CMSS1: variants seen among roughly 807,000 people sequenced by gnomAD.
CMSS1 encodes the protein protein CMSS1.
In CMSS1, 33 loss-of-function variants were observed where a neutral mutation model predicts 43.5. That is an observed-to-expected ratio of 0.76 (90% CI 0.57 to 1.01). The LOEUF (loss-of-function observed/expected upper bound fraction) is 1.01. CMSS1 is among the 50% of genes least tolerant of loss of function. CMSS1 has a pLI of 0.00. For synonymous variants in CMSS1, 115 were observed against 117.2 expected, an observed-to-expected ratio of 0.98 and a Z score of 0.12; for missense variants, 313 against 326.4, an observed-to-expected ratio of 0.96 and a Z score of 0.32.
intron 1 of CMSS1, chr3:99,848,204 G>T: frequency 6.4e-7 from 1 of 1,568,196 alleles, no homozygotes; most frequent in South Asian, 1.2e-5. Flanking sequence ...GGGGGATATG[G>T]AGGGATGATT....
chr3:99,894,445 G>C lies in CMSS1; in HGVS notation c.64+76402G>C, dbSNP rs147050141. 4.5e-3 allele frequency among the ~76,000 whole-genome samples: 689 copies of C among 152,234 alleles called. 7 individuals are homozygous for C. The highest frequency in any genetic ancestry group is 0.016 in the African/African-American group (675 of 41,532). On this transcript the variant is annotated intron_variant, in intron 1 of 9. Transcript: ENST00000421999. ...TGCTATTTTCTTGTTTCCACTTTTA[G>C]TTGTCACCTTTTTGTTTTGGGTTGG... is the stretch of plus-strand genomic sequence containing the variant.
chr3:100,117,347 G>A (rs901495164), intron 1 of CMSS1, among the ~76,000 whole-genome samples: 1 of 152,026 alleles, frequency 6.6e-6, no homozygotes, highest in Non-Finnish European at 1.5e-5. Flanking sequence ...GAAAGATTAA[G>A]TAATCTTTCC....
At chr3:99,936,782 T>C (rs2107670757) in intron 1 of CMSS1, among the ~76,000 whole-genome samples, 1 of 151,966 alleles carries the variant, frequency 6.6e-6, no homozygotes, top group East Asian at 2.0e-4. Flanking sequence ...ACTAAATCAC[T>C]ATGCTGTATC....
chr3:100,048,835 TA>T (rs935298352), intron 1 of CMSS1, among the ~76,000 whole-genome samples: 3 of 151,656 alleles, frequency 2.0e-5, no homozygotes, highest in African/African-American at 7.3e-5. Context: ...TTTTACTCTT[TA>T]AAAAAAAATC....
chr3:99,854,182 G>A (rs888272284), intron 1 of CMSS1, among the ~76,000 whole-genome samples: 2 of 152,178 alleles, frequency 1.3e-5, no homozygotes, highest in African/African-American at 4.8e-5. Context: ...TGAGGAGGGT[G>A]TGGAGTTGAG....
chr3:99,931,613 G>T (rs939837186), intron 1 of CMSS1, among the ~76,000 whole-genome samples: 1 of 152,076 alleles, frequency 6.6e-6, no homozygotes, highest in Non-Finnish European at 1.5e-5. Flanking sequence ...AGGAATGAAG[G>T]CTTGGTCCCT....
chr3:99,991,652 T>C (rs1709513104), intron 1 of CMSS1, among the ~76,000 whole-genome samples: 1 of 152,038 alleles, frequency 6.6e-6, no homozygotes, highest in East Asian at 1.9e-4. Context: ...CTACTCTGTA[T>C]GTCCATGTAT....
chr3:99,955,892 T>C (rs1376023050), intron 1 of CMSS1, among the ~76,000 whole-genome samples: 1 of 152,134 alleles, frequency 6.6e-6, no homozygotes, highest in Non-Finnish European at 1.5e-5. Flanking sequence ...AAACGCATCT[T>C]CTCTGTTCTC....
intron 1 of CMSS1, among the ~76,000 whole-genome samples, chr3:99,980,341 T>C (rs548460366): frequency 1.3e-5 from 2 of 152,282 alleles, no homozygotes; most frequent in Admixed American, 1.3e-4. Context: ...TCTGAAGTCT[T>C]GCATTGGATG....
At chr3:100,144,724 G>T (rs1201637101) in intron 1 of CMSS1, among the ~76,000 whole-genome samples, 1 of 152,188 alleles carries the variant, frequency 6.6e-6, no homozygotes, top group Admixed American at 6.5e-5. Flanking sequence ...TTCCTCTTTC[G>T]TGGTCATTTT....
At chr3:100,002,085 C>T (rs1006943790) in intron 1 of CMSS1, among the ~76,000 whole-genome samples, 2 of 152,148 alleles carry the variant, frequency 1.3e-5, no homozygotes, top group African/African-American at 2.4e-5. Flanking sequence ...AGCGCGGTGC[C>T]ACTGCAAGTG....
chr3:100,145,364 C>T (rs1465998111), intron 1 of CMSS1, among the ~76,000 whole-genome samples: 1 of 151,988 alleles, frequency 6.6e-6, no homozygotes, highest in Non-Finnish European at 1.5e-5. Context: ...AGGAGAATCG[C>T]TTGAATCCGG....
chr3:100,133,798 A>T (rs2066729070), intron 1 of CMSS1, among the ~76,000 whole-genome samples: 1 of 152,232 alleles, frequency 6.6e-6, no homozygotes, highest in East Asian at 1.9e-4. Flanking sequence ...GGAAACTTTA[A>T]GGATGAAGCA....
chr3:99,893,134 A>G (rs1392224068), intron 1 of CMSS1, among the ~76,000 whole-genome samples: 2 of 119,416 alleles, frequency 1.7e-5, no homozygotes, highest in African/African-American at 3.1e-5. Context: ...AGGTATCTCT[A>G]TTTCCAGTAA....
chr3:99,960,884 G>A (rs1213902747), intron 1 of CMSS1, among the ~76,000 whole-genome samples: 1 of 152,174 alleles, frequency 6.6e-6, no homozygotes, highest in Non-Finnish European at 1.5e-5. Context: ...TAAAGTAAAT[G>A]TACTCTGTGT....
intron 1 of CMSS1, among the ~76,000 whole-genome samples, chr3:99,934,553 G>C (rs1707597151): frequency 6.6e-6 from 1 of 152,118 alleles, no homozygotes; most frequent in Non-Finnish European, 1.5e-5. Flanking sequence ...GAATTTCTCT[G>C]CCCTCATCAA....
intron 1 of CMSS1, among the ~76,000 whole-genome samples, chr3:100,054,853 A>T (rs1219031019): frequency 1.3e-5 from 2 of 152,116 alleles, no homozygotes; most frequent in Non-Finnish European, 2.9e-5. Context: ...AGATGCAAAA[A>T]CTGAAATGTT....
At chr3:100,044,215 TC>T (rs2065246461) in intron 1 of CMSS1, among the ~76,000 whole-genome samples, 1 of 152,242 alleles carries the variant, frequency 6.6e-6, no homozygotes, top group African/African-American at 2.4e-5. Flanking sequence ...TTGAGCGTCT[TC>T]TATGTGCCAG....
rs1576632372 is a variant in CMSS1 at position 100,001,174 on chromosome 3, A to G, written c.65-145799A>G. On this transcript the variant is annotated intron_variant, in intron 1 of 9. Transcript: ENST00000421999. Reference sequence around the variant, plus strand: ...AAGTGGTGATAAATTTAGTAGTAGTAGCCATACCCTCTCACTTTGTCTCAG... The same window carrying G: ...AAGTGGTGATAAATTTAGTAGTAGTGGCCATACCCTCTCACTTTGTCTCAG... Among the ~76,000 whole-genome samples the G allele has an allele frequency of 2.6e-5, 4 of 152,354 alleles. 1 individual carries two copies. The highest frequency in any genetic ancestry group is 2.6e-4 in the Admixed American group (4 of 15,300).
Sources: allele counts gnomAD v4.1 joint callset (sites outside exome capture counted in the v4.1 genomes callset), GRCh38; gene constraint gnomAD v4.1.1; transcripts MANE v1.5; gene names NCBI Gene and HGNC (gene_info 2026-07-23, HGNC 2026-07-21).